The following SPECC1 variants were observed in gnomAD, a reference collection of about 807,000 sequenced individuals.
The protein encoded by SPECC1 is sperm antigen with calponin homology and coiled-coil domains 1, also known as cytospin-B.
In SPECC1, 62 loss-of-function variants were observed where a neutral mutation model predicts 104.1. The ratio of observed to expected loss-of-function variants is 0.60; its 90% confidence interval spans 0.49 to 0.74. The LOEUF is 0.74. SPECC1 is among the 30% of genes least tolerant of loss of function. The probability of loss-of-function intolerance (pLI) is 0.00; values close to 1 mark genes in which losing one functional copy is unlikely to be tolerated. For missense variants in SPECC1, 1,306 were observed against 1,310.5 expected, an observed-to-expected ratio of 1.00 and a Z score of 0.05; for synonymous variants, 513 against 501.6, an observed-to-expected ratio of 1.02 and a Z score of -0.30.
intron 1 of SPECC1, among the ~76,000 whole-genome samples, chr17:20,010,809 T>C (rs763914413): frequency 2.0e-5 from 3 of 152,232 alleles, no homozygotes; most frequent in Non-Finnish European, 2.9e-5. Context: ...CCTCTGTATC[T>C]TCACCGAGTG....
At chr17:20,271,724 A>C (rs1017556922) in intron 12 of SPECC1, among the ~76,000 whole-genome samples, 49 of 148,974 alleles carry the variant, frequency 3.3e-4, no homozygotes, top group African/African-American at 1.2e-3. Flanking sequence ...CTCTTTTTTG[A>C]TCTTCTGTAT....
At chr17:20,156,170 G>C in intron 3 of SPECC1, 1 of 1,441,154 alleles carries the variant, frequency 6.9e-7, no homozygotes, top group South Asian at 1.4e-5. Context: ...AGGCCGGCAA[G>C]CCGGCTGGTG....
intron 3 of SPECC1, among the ~76,000 whole-genome samples, chr17:20,168,270 C>A (rs1430497537): frequency 6.6e-6 from 1 of 152,012 alleles, no homozygotes; most frequent in East Asian, 1.9e-4. Flanking sequence ...AAACATTACA[C>A]CATTGGCTAA....
chr17:20,254,206 G>T (rs1008098829), intron 10 of SPECC1, among the ~76,000 whole-genome samples: 4 of 142,984 alleles, frequency 2.8e-5, no homozygotes, highest in Non-Finnish European at 6.0e-5. Context: ...TCCAATCCTG[G>T]TTGTAAAGTG....
At chr17:20,272,168 A>G (rs1404024960) in intron 12 of SPECC1, among the ~76,000 whole-genome samples, 1 of 152,174 alleles carries the variant, frequency 6.6e-6, no homozygotes, top group Admixed American at 6.5e-5. Context: ...GAATTATTTC[A>G]TTGGTAATTT....
At chr17:20,015,484 G>T (rs1413448658) in intron 1 of SPECC1, among the ~76,000 whole-genome samples, 1 of 151,056 alleles carries the variant, frequency 6.6e-6, no homozygotes, top group Non-Finnish European at 1.5e-5. Flanking sequence ...GGTTTTGCAG[G>T]TCACCAATCT....
intron 1 of SPECC1, among the ~76,000 whole-genome samples, chr17:20,048,759 G>A (rs985057191): frequency 6.6e-6 from 1 of 151,834 alleles, no homozygotes; most frequent in African/African-American, 2.4e-5. Context: ...TAGCATGATG[G>A]CACGTGCCTG....
intron 1 of SPECC1, among the ~76,000 whole-genome samples, chr17:20,076,442 T>C (rs1370404790): frequency 2.6e-5 from 4 of 152,196 alleles, no homozygotes; most frequent in African/African-American, 9.7e-5. Context: ...TGAAGTGATC[T>C]GCCTGCCTTG....
chr17:20,110,553 A>T lies in SPECC1; in HGVS notation c.274A>T (p.Ser92Cys). The T allele has an allele frequency of 6.2e-7, 1 of 1,613,106 alleles. No homozygotes were observed. The change falls in exon 3 of 15, where the codon AGC (serine) becomes TGC (cysteine). Residue 92 changes from serine to cysteine, a missense_variant. By Grantham distance (112) the Ser-to-Cys change is moderately radical. Around this residue, in one of 2 missense-constraint regions of SPECC1, gnomAD observed 1,177 missense variants for 1,139.9 expected, o/e 1.03. Coordinates refer to ENST00000395527, the MANE Select transcript of SPECC1 (RefSeq NM_001243439.2). ...ISELTESRLR[S>C]GTGAFTTTKR... Reference sequence around the variant, plus strand: ...GGAGCTCACGGAGAGCCGCCTGAGGAGCGGCACAGGTAGGAGGGACCGGGC... The same window carrying T: ...GGAGCTCACGGAGAGCCGCCTGAGGTGCGGCACAGGTAGGAGGGACCGGGC...
chr17:20,033,134 T>A (rs2044895046), intron 1 of SPECC1, among the ~76,000 whole-genome samples: 2 of 152,162 alleles, frequency 1.3e-5, no homozygotes, highest in South Asian at 4.1e-4. Context: ...TGGCTAATTT[T>A]TGTATTTTTA....
chr17:20,285,705 A>C (rs2040919984), intron 12 of SPECC1, among the ~76,000 whole-genome samples: 1 of 152,020 alleles, frequency 6.6e-6, no homozygotes, highest in African/African-American at 2.4e-5. Flanking sequence ...ACCACACTCT[A>C]GCCCCTTAAG....
chr17:20,260,113 T>C (rs921657209), intron 11 of SPECC1, 79 bp from the exon 12 acceptor site: 6 of 1,137,538 alleles, frequency 5.3e-6, no homozygotes, highest in Non-Finnish European at 7.5e-6. Flanking sequence ...TTTTCTAAAG[T>C]AGGTATTTAT....
chr17:20,286,163 C>T lies in SPECC1; in HGVS notation c.2941-10798C>T, dbSNP rs73307289. On this transcript the variant is annotated intron_variant, in intron 12 of 14. Coordinates refer to ENST00000395527, the MANE Select transcript of SPECC1 (RefSeq NM_001243439.2). The stretch of plus-strand genomic sequence containing the variant: ...TGCATGGGGGATGCTCACGAGGTGA[C>T]CCAGGTCTAGAAAGCACAGCATTCA... Among the ~76,000 whole-genome samples, 935 of 152,236 alleles carry T rather than the reference C, an allele frequency of 6.1e-3. 4 individuals carry two copies. The highest frequency in any genetic ancestry group is 0.02 in the African/African-American group (828 of 41,540).
At chr17:20,182,910 A>G (rs1310957398) in intron 3 of SPECC1, among the ~76,000 whole-genome samples, 2 of 152,230 alleles carry the variant, frequency 1.3e-5, no homozygotes, top group East Asian at 3.8e-4. Context: ...TGGAACCACC[A>G]AGTGCCCAAC....
chr17:20,018,865 C>T (rs1182141786), intron 1 of SPECC1, among the ~76,000 whole-genome samples: 1 of 152,146 alleles, frequency 6.6e-6, no homozygotes, highest in Non-Finnish European at 1.5e-5. Context: ...ACCCAACACC[C>T]AGGGTTTTTA....
At chr17:20,037,439 C>A (rs1471076771) in intron 1 of SPECC1, among the ~76,000 whole-genome samples, 1 of 152,034 alleles carries the variant, frequency 6.6e-6, no homozygotes, top group Non-Finnish European at 1.5e-5. Context: ...GTGTGAGCCA[C>A]TGCACCTGGC....
chr17:20,286,481 G>C (rs1272416119), intron 12 of SPECC1, among the ~76,000 whole-genome samples: 3 of 152,154 alleles, frequency 2.0e-5, no homozygotes, highest in Non-Finnish European at 4.4e-5. Flanking sequence ...CTGTCGCGCA[G>C]CAGCTCAGCC....
At chr17:20,297,192 A>G (rs2041382593) in intron 13 of SPECC1, 115 bp downstream of exon 13, 2 of 792,110 alleles carry the variant, frequency 2.5e-6, no homozygotes, top group African/African-American at 3.5e-5. Context: ...GGATATTGAT[A>G]CCAGGTACAG....
chr17:20,183,436 G>T (rs2035046398), intron 3 of SPECC1, among the ~76,000 whole-genome samples: 1 of 152,022 alleles, frequency 6.6e-6, no homozygotes, highest in Non-Finnish European at 1.5e-5. Flanking sequence ...TACTTTTTTT[G>T]TTCTGGCCCG....
Sources: gnomAD v4.1 joint callset for allele counts (sites outside exome capture counted in the v4.1 genomes callset) on GRCh38, gnomAD v4.1.1 for gene constraint, gnomAD v4.1.1 regional missense constraint, MANE v1.5 for transcripts, NCBI Gene and HGNC (gene_info 2026-07-23, HGNC 2026-07-21) for gene names.